The following FOXP2 variants were observed in gnomAD, a reference collection of about 807,000 sequenced individuals.
The protein encoded by FOXP2 is forkhead box protein P2.
In FOXP2, 12 loss-of-function variants were observed where a neutral mutation model predicts 115.8. The ratio of observed to expected loss-of-function variants is 0.10; its 90% CI spans 0.07 to 0.17. FOXP2 has a LOEUF of 0.17. Among genes scored for constraint, FOXP2 ranks in the 10% least tolerant of loss-of-function variants. The pLI, the probability that FOXP2 is intolerant of heterozygous loss-of-function variation, is 1.00. For synonymous variants in FOXP2, 328 were observed against 297.7 expected, an observed-to-expected ratio of 1.10 and a Z score of -1.05; for missense variants, 629 against 843.5, an observed-to-expected ratio of 0.75 and a Z score of 3.15.
intron 3 of FOXP2, among the ~76,000 whole-genome samples, chr7:114,546,483 T>A (rs1562989959): frequency 6.6e-6 from 1 of 152,228 alleles, no homozygotes; most frequent in Non-Finnish European, 1.5e-5. Flanking sequence ...CATTCACAAA[T>A]GAATAGGTTG....
In FOXP2 at chr7:114,414,865, G is replaced by GTC. The variant is rs976102976; in HGVS notation, c.-494_-493dup. On this transcript the variant is annotated 5_prime_UTR_variant, in exon 1 of 17. It introduces an in-frame stop codon into an upstream open reading frame of the 5' UTR. Transcript: ENST00000350908. The stretch of plus-strand genomic sequence containing the variant: ...TTGAGAGACTCAAACTGGTGCTTTT[G>GTC]TCTCTCTCTCTCTGTCTTTCTCTCT... The GTC allele has an allele frequency of 8.3e-5, 28 of 338,024 alleles. No homozygotes were observed. Among genetic ancestry groups the GTC allele is most frequent in the East Asian group, 2.3e-4 (3 of 13,110 alleles). 20.9% of individuals were successfully genotyped at this position (338,024 alleles called of 1,614,324 possible). A position where few individuals can be genotyped will look rare whatever the true frequency, so the allele number is the denominator to read the frequency against.
intron 1 of FOXP2, among the ~76,000 whole-genome samples, chr7:114,155,164 T>C (rs888548183): frequency 1.3e-5 from 2 of 152,074 alleles, no homozygotes; most frequent in African/African-American, 4.8e-5. Context: ...AAACCAAAAA[T>C]AAAATTATAA....
chr7:114,356,571 T>C (rs1478327066), intron 2 of FOXP2, among the ~76,000 whole-genome samples: 1 of 152,150 alleles, frequency 6.6e-6, no homozygotes, highest in Admixed American at 6.6e-5. Context: ...GTAAACATCA[T>C]CTGTGTAAGA....
intron 1 of FOXP2, among the ~76,000 whole-genome samples, chr7:114,287,118 G>A (rs1360655660): frequency 2.0e-5 from 3 of 151,926 alleles, no homozygotes; most frequent in Non-Finnish European, 4.4e-5. Flanking sequence ...AGAGTGTTAT[G>A]TGAGTCAAAA....
At chr7:114,274,422 T>C (rs1796133618) in intron 1 of FOXP2, among the ~76,000 whole-genome samples, 1 of 152,076 alleles carries the variant, frequency 6.6e-6, no homozygotes, top group Admixed American at 6.6e-5. Context: ...TTTATGTAAA[T>C]CTGAGTGTCT....
At position 114,356,109 on chromosome 7, in the gene FOXP2, G is replaced by A. The variant is rs1039593972; in HGVS notation, c.-11+68000G>A. Reference sequence around the variant, plus strand: ...CCACAGGACTAAATGGCTTTCCCCCGTAGAAAGGCCCAAATTATAAAAACT... The same window carrying A: ...CCACAGGACTAAATGGCTTTCCCCCATAGAAAGGCCCAAATTATAAAAACT... On this transcript the variant is annotated intron_variant, in intron 2 of 17. Transcript: ENST00000634411. Among the ~76,000 whole-genome samples, 6 of 152,118 alleles carry A rather than the reference G, an allele frequency of 3.9e-5. No individual in the cohort carries two copies. In the South Asian group the frequency reaches 6.2e-4, roughly 16 times the overall value.
chr7:114,456,089 T>C (rs180876476), intron 2 of FOXP2, among the ~76,000 whole-genome samples: 14 of 152,308 alleles, frequency 9.2e-5, no homozygotes, highest in Non-Finnish European at 1.8e-4. Context: ...CCACTAGTTA[T>C]GTCATTTATT....
chr7:114,461,628 GAAATTT>G (rs1304486766), intron 2 of FOXP2, among the ~76,000 whole-genome samples: 2 of 152,084 alleles, frequency 1.3e-5, no homozygotes, highest in African/African-American at 2.4e-5. Context: ...GTTTCTTTCT[GAAATTT>G]AAAGTTCTCC....
At chr7:114,644,591 C>A in intron 7 of FOXP2, 94 bp from the exon 8 acceptor site, 1 of 1,006,902 alleles carries the variant, frequency 9.9e-7, no homozygotes, top group Non-Finnish European at 1.6e-6. Context: ...CTGTTTTGAC[C>A]TGTTTGTCAC....
At chr7:114,441,791 A>T (rs1347791845) in intron 2 of FOXP2, among the ~76,000 whole-genome samples, 1 of 152,214 alleles carries the variant, frequency 6.6e-6, no homozygotes, top group Non-Finnish European at 1.5e-5. Context: ...GGACATGTAA[A>T]TTAATACCAC....
At chr7:114,452,165 C>T (rs1001629793) in intron 2 of FOXP2, among the ~76,000 whole-genome samples, 3 of 151,856 alleles carry the variant, frequency 2.0e-5, no homozygotes, top group African/African-American at 7.3e-5. Flanking sequence ...TGGCAGTGAG[C>T]CTTTGTGATA....
intron 2 of FOXP2, among the ~76,000 whole-genome samples, chr7:114,396,555 A>G (rs1422773462): frequency 1.3e-5 from 2 of 151,964 alleles, no homozygotes; most frequent in Non-Finnish European, 2.9e-5. Flanking sequence ...TTTTTTTAGT[A>G]ACTTCCATAA....
At chr7:114,266,469 T>C (rs1283086755) in intron 1 of FOXP2, among the ~76,000 whole-genome samples, 1 of 152,106 alleles carries the variant, frequency 6.6e-6, no homozygotes, top group East Asian at 1.9e-4. Flanking sequence ...TGGTGGAAAG[T>C]GAAGCAGGAG....
At chr7:114,601,273 A>G (rs2129313695) in intron 3 of FOXP2, among the ~76,000 whole-genome samples, 1 of 152,134 alleles carries the variant, frequency 6.6e-6, no homozygotes, top group Non-Finnish European at 1.5e-5. Flanking sequence ...GCCTCTTCTC[A>G]TTGTCTTAAC....
intron 1 of FOXP2, among the ~76,000 whole-genome samples, chr7:114,233,658 G>T: frequency 6.6e-6 from 1 of 152,156 alleles, no homozygotes; most frequent in East Asian, 1.9e-4. Flanking sequence ...TTCCACAATT[G>T]ACACAAAATT....
upstream of FOXP2, among the ~76,000 whole-genome samples, chr7:114,409,798 T>A (rs574156987): frequency 9.2e-5 from 14 of 152,246 alleles, no homozygotes; most frequent in African/African-American, 3.4e-4. Flanking sequence ...TCCTAAAACA[T>A]CTGTAATCTT....
At chr7:114,438,174 G>A (rs953661754) in intron 2 of FOXP2, among the ~76,000 whole-genome samples, 6 of 152,020 alleles carry the variant, frequency 3.9e-5, no homozygotes, top group South Asian at 2.1e-4. Flanking sequence ...CTAGAAGTCC[G>A]TGGAGTTAGG....
intron 3 of FOXP2, among the ~76,000 whole-genome samples, chr7:114,593,123 T>C (rs1802520632): frequency 6.6e-6 from 1 of 151,980 alleles, no homozygotes; most frequent in Admixed American, 6.6e-5. Flanking sequence ...AAAAGAAGGA[T>C]TTGAAAGTTT....
At chr7:114,482,220 T>A (rs956178188) in intron 2 of FOXP2, among the ~76,000 whole-genome samples, 2 of 151,652 alleles carry the variant, frequency 1.3e-5, no homozygotes, top group East Asian at 3.9e-4. Context: ...ATAGTTCTAA[T>A]AGGAATTGGC....
Sources: allele counts gnomAD v4.1 joint callset (sites outside exome capture counted in the v4.1 genomes callset), GRCh38; gene constraint gnomAD v4.1.1; transcripts MANE v1.5; gene names NCBI Gene and HGNC (gene_info 2026-07-23, HGNC 2026-07-21).